ZNF599: variants seen among roughly 807,000 people sequenced by gnomAD.
The protein encoded by ZNF599 is zinc finger protein 599.
ZNF599 carries 10 observed loss-of-function variants against 11.7 expected under a neutral mutation model. The ratio of observed to expected loss-of-function variants is 0.86; its 90% CI spans 0.53 to 1.45. The LOEUF is 1.45. Among genes scored for constraint, ZNF599 ranks in the 40% most tolerant of loss-of-function variants. The probability of loss-of-function intolerance (pLI) is 0.00; values close to 1 mark genes in which losing one functional copy is unlikely to be tolerated. For missense variants in ZNF599, 688 were observed against 713.6 expected, an observed-to-expected ratio of 0.96 and a Z score of 0.41; for synonymous variants, 232 against 253.2, an observed-to-expected ratio of 0.92 and a Z score of 0.79.
upstream of ZNF599, among the ~76,000 whole-genome samples, chr19:34,775,343 A>G (rs910325375): frequency 4.6e-5 from 7 of 152,226 alleles, no homozygotes; most frequent in African/African-American, 1.4e-4. Context: ...GCTGATATAC[A>G]ATACAGCATG....
the ZNF599 span, among the ~76,000 whole-genome samples, chr19:34,806,929 A>G: frequency 7.2e-5 from 11 of 152,058 alleles, no homozygotes; most frequent in Non-Finnish European, 1.2e-4. Flanking sequence ...CAAAAACCCA[A>G]TGCTTTGGTG....
At chr19:34,773,365 G>T, upstream of ZNF599, 1 of 152,652 alleles carries the variant, frequency 6.6e-6, no homozygotes. Context: ...TGTTCTCGGT[G>T]AGGCGGCTTC....
At chr19:34,798,219 T>C in the ZNF599 span, among the ~76,000 whole-genome samples, 1 of 152,104 alleles carries the variant, frequency 6.6e-6, no homozygotes, top group Admixed American at 6.6e-5. Context: ...TTTCAGGGGG[T>C]CTCCCTACAA....
In ZNF599 at chr19:34,769,475, C is replaced by T. The variant is rs960377708; in HGVS notation, c.99G>A (p.Leu33=). The T allele has an allele frequency of 6.2e-7, 1 of 1,614,232 alleles. No individual in the cohort carries two copies. Among genetic ancestry groups the T allele is most frequent in the Non-Finnish European group, 8.5e-7 (1 of 1,180,036 alleles). Residue 33 remains leucine (L), a synonymous_variant, in exon 2 of 4, where the codon CTG becomes CTA. Transcript: ENST00000329285. The part of the protein sequence containing the change: ...WGHLDLAQRT[L]YQEVMLETCR... ...AGGTCTCCAGCATCACCTCCTGGTACAGGGTCCTCTGGGCCAGGTCCAGGT... is the reference window on the plus strand; with the variant it reads ...AGGTCTCCAGCATCACCTCCTGGTATAGGGTCCTCTGGGCCAGGTCCAGGT...
At chr19:34,806,857 G>C in the ZNF599 span, among the ~76,000 whole-genome samples, 151 of 152,240 alleles carry the variant, frequency 9.9e-4, no homozygotes, top group Middle Eastern at 6.8e-3. Flanking sequence ...TGGCGGCCAA[G>C]CTGGTACAAG....
Position 34,767,374 on chromosome 19 carries a change from C to CAGT in ZNF599, c.180_182dup (p.Leu61dup). On this transcript the variant is annotated inframe_insertion, in exon 3 of 4. Coordinates refer to ENST00000329285, the MANE Select transcript of ZNF599 (RefSeq NM_001007248.3). The stretch of plus-strand genomic sequence containing the variant: ...CTGTCCACAGTTCCTGTCCATGTTC[C>CAGT]AGTAGATAGATCAGCTCTGGTTTGG... The CAGT allele has an allele frequency of 6.2e-7, 1 of 1,614,120 alleles. No individual in the cohort carries two copies. The highest frequency in any genetic ancestry group is 1.6e-4 in the Middle Eastern group (1 of 6,062).
intron 3 of ZNF599, chr19:34,767,021 A>C (rs1188284638): frequency 6.5e-6 from 2 of 306,070 alleles, no homozygotes; most frequent in African/African-American, 4.3e-5. Context: ...AAGGTCATTA[A>C]CTCAGCCTAA....
the ZNF599 span, among the ~76,000 whole-genome samples, chr19:34,801,380 A>G: frequency 1.3e-5 from 2 of 152,198 alleles, no homozygotes; most frequent in African/African-American, 4.8e-5. Context: ...ACTTTGGCTA[A>G]AGAATTTCCC....
chr19:34,772,997 G>A lies in ZNF599; in HGVS notation c.-156C>T. The A allele has an allele frequency of 2.2e-6, 2 of 900,430 alleles. No individual in the cohort carries two copies. The highest frequency in any genetic ancestry group is 1.9e-5 in the South Asian group (1 of 52,434). 55.8% of individuals were successfully genotyped at this position (900,430 alleles called of 1,614,324 possible). On this transcript the variant is annotated 5_prime_UTR_variant, in exon 1 of 4. The change creates a new upstream start codon in the 5' untranslated region. Transcript: ENST00000329285. Reference sequence around the variant, plus strand: ...GTTCGCGGCGCCGCCTCTGCGCGCCGTGAGGACACAGGGCTGTCGCCAAGG... The same window carrying A: ...GTTCGCGGCGCCGCCTCTGCGCGCCATGAGGACACAGGGCTGTCGCCAAGG...
At chr19:34,760,667 C>T (rs2069107394) in intron 3 of ZNF599, 108 bp from the exon 4 acceptor site, 1 of 989,148 alleles carries the variant, frequency 1.0e-6, no homozygotes, top group South Asian at 1.8e-5. Flanking sequence ...TCTCTGATGC[C>T]TACTGCATTT....
At chr19:34,778,451 T>C in the ZNF599 span, among the ~76,000 whole-genome samples, 2 of 152,152 alleles carry the variant, frequency 1.3e-5, no homozygotes, top group Non-Finnish European at 2.9e-5. Context: ...AACTAGAAGC[T>C]TGAGATCAAT....
chr19:34,765,212 T>C (rs1050708999), intron 3 of ZNF599: 2 of 223,030 alleles, frequency 9.0e-6, no homozygotes, highest in African/African-American at 4.5e-5. Context: ...AGTCATAGTG[T>C]TCACACCCTT....
At chr19:34,796,894 C>T in the ZNF599 span, among the ~76,000 whole-genome samples, 1 of 152,166 alleles carries the variant, frequency 6.6e-6, no homozygotes, top group Non-Finnish European at 1.5e-5. Flanking sequence ...CCCAGGGTCT[C>T]TGGACAAAGT....
the ZNF599 span, among the ~76,000 whole-genome samples, chr19:34,796,858 C>A: frequency 6.6e-6 from 1 of 152,174 alleles, no homozygotes; most frequent in Non-Finnish European, 1.5e-5. Flanking sequence ...TCTTTATGCA[C>A]AAAACGGCTA....
At position 34,758,309 on chromosome 19, in the gene ZNF599, C is replaced by T. The variant is rs1295814055; in HGVS notation, c.*725G>A. 6.6e-6 allele frequency: 1 copy of T among 152,214 alleles called. No homozygotes were observed. The highest frequency in any genetic ancestry group is 1.5e-5 in the Non-Finnish European group (1 of 68,052). 9.4% of individuals were successfully genotyped at this position (152,214 alleles called of 1,614,324 possible). On this transcript the variant is annotated 3_prime_UTR_variant, in exon 4 of 4. Coordinates refer to ENST00000329285, the MANE Select transcript of ZNF599 (RefSeq NM_001007248.3). The stretch of plus-strand genomic sequence containing the variant: ...ACAGAAAATTCACAGAACCTAACTA[C>T]CACGAGTAACAATTCACTGCATATA...
chr19:34,766,193 G>C (rs1421046452), intron 3 of ZNF599, among the ~76,000 whole-genome samples: 1 of 152,154 alleles, frequency 6.6e-6, no homozygotes, highest in Non-Finnish European at 1.5e-5. Context: ...GGACACTAGA[G>C]GGGTGAGATG....
At chr19:34,799,351 T>C in the ZNF599 span, among the ~76,000 whole-genome samples, 1 of 152,180 alleles carries the variant, frequency 6.6e-6, no homozygotes, top group Non-Finnish European at 1.5e-5. Flanking sequence ...CTTAGCAATA[T>C]GTGTGTAAGA....
At chr19:34,794,616 G>T in the ZNF599 span, among the ~76,000 whole-genome samples, 1 of 151,146 alleles carries the variant, frequency 6.6e-6, no homozygotes, top group Non-Finnish European at 1.5e-5. Flanking sequence ...TGTCACCCAG[G>T]CTGGAATGCA....
upstream of ZNF599, among the ~76,000 whole-genome samples, chr19:34,777,361 AATATATT>A (rs578205004): frequency 0.012 from 1,010 of 86,408 alleles, 17 homozygotes; most frequent in African/African-American, 0.048. Flanking sequence ...ATTATATATT[AATATATT>A]ATATATTATA....
Sources: allele counts gnomAD v4.1 joint callset (sites outside exome capture counted in the v4.1 genomes callset), GRCh38; gene constraint gnomAD v4.1.1; transcripts MANE v1.5; gene names NCBI Gene and HGNC (gene_info 2026-07-23, HGNC 2026-07-21).